The following DMD variants were observed in gnomAD, a reference collection of about 807,000 sequenced individuals.
DMD encodes mutant dystrophin.
Under a neutral mutation model 330.1 loss-of-function variants are expected in DMD, and 63 were observed. That is an observed-to-expected ratio of 0.19 (90% CI 0.16 to 0.24). The LOEUF (loss-of-function observed/expected upper bound fraction) is 0.24. Among genes scored for constraint, DMD ranks in the 10% least tolerant of loss-of-function variants. DMD has a pLI of 1.00. For synonymous variants in DMD, 1,223 were observed against 959.8 expected, an observed-to-expected ratio of 1.27 and a Z score of -5.07; for missense variants, 3,344 against 2,684.1, an observed-to-expected ratio of 1.25 and a Z score of -5.43.
chrX:32,563,419 T>A (rs2051300117), intron 16 of DMD, among the ~76,000 whole-genome samples: 1 of 106,923 alleles, frequency 9.4e-6, no homozygotes, highest in Non-Finnish European at 1.9e-5. Context: ...ATGACTTACA[T>A]ATCAAACTCA....
intron 9 of DMD, among the ~76,000 whole-genome samples, chrX:32,683,470 A>G (rs943628201): frequency 3.7e-5 from 4 of 109,547 alleles, no homozygotes; most frequent in African/African-American, 1.3e-4. Flanking sequence ...GCCATAAAAA[A>G]GGATGAGTTC....
In DMD at chrX:32,163,580, G is replaced by A. The variant is rs193100155; in HGVS notation, c.6438+53336C>T. Among the ~76,000 whole-genome samples the A allele has an allele frequency of 4.4e-4, 49 of 112,001 alleles. 1 individual carries two copies. In the East Asian group the frequency reaches 0.013, roughly 30 times the overall value. Reference sequence around the variant, plus strand: ...CTATTCAGTACCATGTATCAAAATAGGGGTAGTTGTTATATGACTCTAAAC... The same window carrying A: ...CTATTCAGTACCATGTATCAAAATAAGGGTAGTTGTTATATGACTCTAAAC... On this transcript the variant is annotated intron_variant, in intron 44 of 78. Transcript: ENST00000357033.
At chrX:32,665,759 T>C (rs1218608682) in intron 9 of DMD, among the ~76,000 whole-genome samples, 1 of 112,219 alleles carries the variant, frequency 8.9e-6, no homozygotes, top group Non-Finnish European at 1.9e-5. Context: ...TACTAAGACC[T>C]TGTCAAGTTA....
At chrX:31,982,618 A>C (rs2150264086) in intron 44 of DMD, among the ~76,000 whole-genome samples, 1 of 111,605 alleles carries the variant, frequency 9.0e-6, no homozygotes, top group Non-Finnish European at 1.9e-5. Context: ...AGAAAAAAAT[A>C]ACCCTCTACC....
At chrX:31,341,883 G>GACA (rs1491287928) in intron 61 of DMD, among the ~76,000 whole-genome samples, 9 of 53,397 alleles carry the variant, frequency 1.7e-4, no homozygotes, top group African/African-American at 9.8e-4. Flanking sequence ...GCGCGTGCGT[G>GACA]CGCGCGCGCA....
intron 1 of DMD, among the ~76,000 whole-genome samples, chrX:33,139,212 C>G (rs1363553267): frequency 1.8e-5 from 2 of 111,229 alleles, no homozygotes; most frequent in African/African-American, 6.5e-5. Context: ...GTGGGAGGAT[C>G]GCCGGAATAC....
intron 3 of DMD, 38 bp from the exon 4 acceptor site, chrX:32,844,898 A>G (rs2080519123): frequency 8.5e-6 from 9 of 1,055,275 alleles, no homozygotes; most frequent in Non-Finnish European, 1.2e-5. Flanking sequence ...TGACCAGCAG[A>G]GAGACCGACA....
At chrX:33,260,302 C>T (rs1337882794) in intron 1 of DMD, among the ~76,000 whole-genome samples, 1 of 111,185 alleles carries the variant, frequency 9.0e-6, no homozygotes, top group Non-Finnish European at 1.9e-5. Flanking sequence ...AATAATGATG[C>T]TTTCTTAAAA....
At chrX:32,614,895 G>C (rs2057438676) in intron 11 of DMD, among the ~76,000 whole-genome samples, 2 of 109,593 alleles carry the variant, frequency 1.8e-5, no homozygotes, top group African/African-American at 3.3e-5. Context: ...TTTGACCACA[G>C]AATGTGGCAT....
intron 43 of DMD, among the ~76,000 whole-genome samples, chrX:32,221,618 T>C (rs1270659940): frequency 5.4e-5 from 6 of 111,782 alleles, no homozygotes; most frequent in Non-Finnish European, 1.1e-4. Flanking sequence ...GAATGAATTG[T>C]ATAGAAGTAA....
intron 54 of DMD, among the ~76,000 whole-genome samples, chrX:31,651,417 A>C (rs995791279): frequency 9.0e-6 from 1 of 111,558 alleles, no homozygotes; most frequent in African/African-American, 3.3e-5. Flanking sequence ...ACAATTAAGA[A>C]TGGAACATCA....
intron 25 of DMD, among the ~76,000 whole-genome samples, 161 bp downstream of exon 25, chrX:32,463,278 T>C (rs1236430154): frequency 8.9e-6 from 1 of 112,043 alleles, no homozygotes; most frequent in Non-Finnish European, 1.9e-5. Context: ...CATGAAAATA[T>C]TTAGATATGC....
At chrX:31,699,721 G>C (rs2083672925) in intron 52 of DMD, among the ~76,000 whole-genome samples, 3 of 111,656 alleles carry the variant, frequency 2.7e-5, no homozygotes, top group Admixed American at 1.9e-4. Flanking sequence ...GGGGTAAAGG[G>C]AACCGATGTC....
chrX:31,337,392 T>C (rs1408522074), intron 61 of DMD, among the ~76,000 whole-genome samples: 1 of 112,090 alleles, frequency 8.9e-6, no homozygotes, highest in Non-Finnish European at 1.9e-5. Context: ...TTTAAAAATC[T>C]AGAATGGTTT....
intron 47 of DMD, among the ~76,000 whole-genome samples, chrX:31,914,428 T>C (rs1603587203): frequency 8.9e-6 from 1 of 112,302 alleles, no homozygotes; most frequent in Non-Finnish European, 1.9e-5. Context: ...AATATCTGCA[T>C]TCCCATGTTT....
chrX:32,007,108 T>C (rs1323171495), intron 44 of DMD, among the ~76,000 whole-genome samples: 2 of 99,623 alleles, frequency 2.0e-5, no homozygotes, highest in Non-Finnish European at 4.0e-5. Context: ...TTAGGAGATA[T>C]ACCTAATGCT....
At chrX:32,796,275 G>A (rs1015801028) in intron 7 of DMD, among the ~76,000 whole-genome samples, 1 of 111,146 alleles carries the variant, frequency 9.0e-6, no homozygotes, top group African/African-American at 3.3e-5. Context: ...ATATACAGTG[G>A]AATACTCTTC....
At chrX:33,288,337 A>C (rs1053070014) in intron 1 of DMD, among the ~76,000 whole-genome samples, 3 of 111,760 alleles carry the variant, frequency 2.7e-5, no homozygotes, top group African/African-American at 9.8e-5. Context: ...GTTCCTATTT[A>C]TGTGGTCATC....
intron 2 of DMD, among the ~76,000 whole-genome samples, chrX:33,000,668 G>A (rs921659643): frequency 1.8e-5 from 2 of 112,023 alleles, no homozygotes; most frequent in South Asian, 7.4e-4. Context: ...AATTCACAAC[G>A]GAATTTAGAG....
Sources: allele counts gnomAD v4.1 joint callset (sites outside exome capture counted in the v4.1 genomes callset), GRCh38; gene constraint gnomAD v4.1.1; transcripts MANE v1.5; gene names NCBI Gene and HGNC (gene_info 2026-07-23, HGNC 2026-07-21).